GLI2: variants seen among roughly 807,000 people sequenced by gnomAD.
GLI2 encodes the protein transcription activator GLI2.
Under a neutral mutation model 78.9 loss-of-function variants are expected in GLI2, and 22 were observed. The ratio of observed to expected loss-of-function variants is 0.28; its 90% confidence interval spans 0.20 to 0.40. GLI2 has a LOEUF of 0.40. Ranked by LOEUF, GLI2 falls within the 10% of genes least tolerant of loss-of-function variation. The pLI is 1.00. For synonymous variants in GLI2, 974 were observed against 963.7 expected (o/e 1.01, Z -0.20); for missense variants, 2,097 against 2,213.2 (o/e 0.95, Z 1.05).
At chr2:120,817,279 A>C in intron 2 of GLI2, among the ~76,000 whole-genome samples, 1 of 152,142 alleles carries the variant, frequency 6.6e-6, no homozygotes, top group South Asian at 2.1e-4. Context: ...CCTCGGTATG[A>C]AGCCACCCCC....
chr2:120,859,122 A>T (rs1446316024), intron 2 of GLI2, among the ~76,000 whole-genome samples: 2 of 152,192 alleles, frequency 1.3e-5, no homozygotes, highest in African/African-American at 4.8e-5. Context: ...GGGCTTCTGA[A>T]GTTACTTGCT....
intron 3 of GLI2, among the ~76,000 whole-genome samples, chr2:120,944,289 T>G (rs1268657628): frequency 6.6e-6 from 1 of 152,232 alleles, no homozygotes; most frequent in East Asian, 1.9e-4. Context: ...TTTGCTCATC[T>G]GCTAGATGAG....
chr2:120,946,045 C>G (rs1363703645), intron 3 of GLI2, among the ~76,000 whole-genome samples: 1 of 151,662 alleles, frequency 6.6e-6, no homozygotes, highest in Non-Finnish European at 1.5e-5. Flanking sequence ...TGGTAATGCA[C>G]TACCTCGTGA....
chr2:120,829,777 T>C (rs1443313239), intron 2 of GLI2, among the ~76,000 whole-genome samples: 1 of 152,196 alleles, frequency 6.6e-6, no homozygotes, highest in Non-Finnish European at 1.5e-5. Flanking sequence ...GAGATCCTGC[T>C]TCCTGGCCAG....
intron 5 of GLI2, among the ~76,000 whole-genome samples, chr2:120,957,011 G>A (rs750064550): frequency 6.6e-6 from 1 of 152,180 alleles, no homozygotes; most frequent in Non-Finnish European, 1.5e-5. Flanking sequence ...TCCCTCCTCT[G>A]GCTGCTCCTT....
chr2:120,782,944 C>A (rs949500514), intron 1 of GLI2, among the ~76,000 whole-genome samples: 2 of 152,196 alleles, frequency 1.3e-5, no homozygotes, highest in Non-Finnish European at 2.9e-5. Context: ...GGCTCCCCTA[C>A]CTGGTGGGCT....
chr2:120,936,235 G>C (rs550710510), intron 3 of GLI2, among the ~76,000 whole-genome samples: 1 of 152,272 alleles, frequency 6.6e-6, no homozygotes, highest in South Asian at 2.1e-4. Flanking sequence ...GGGACATAGT[G>C]GCTCCCCATG....
At position 120,984,364 on chromosome 2, in the gene GLI2, T is replaced by C. The variant is rs1276177714; in HGVS notation, c.1633-107T>C. The C allele has an allele frequency of 6.0e-6, 7 of 1,174,024 alleles. No individual in the cohort carries two copies. In the African/African-American group the frequency reaches 6.0e-5, roughly 10 times the overall value. The allele number at this position is 1,174,024 out of a possible 1,614,324, so 72.7% of individuals were successfully genotyped here. ...CACAGCACCTACTGACGTTGCCAGC[T>C]GGGCTCTGCTGAGGGGCGTGGGTAG... On this transcript the variant is annotated intron_variant, in intron 11 of 13. Transcript: ENST00000361492.
chr2:120,896,408 C>T (rs943089553), intron 2 of GLI2, among the ~76,000 whole-genome samples: 5 of 152,108 alleles, frequency 3.3e-5, no homozygotes, highest in African/African-American at 7.2e-5. Flanking sequence ...GGGTGGGATC[C>T]GGCATGTCTC....
At chr2:120,744,301 A>G (rs1412939359) in intron 1 of GLI2, among the ~76,000 whole-genome samples, 2 of 152,202 alleles carry the variant, frequency 1.3e-5, no homozygotes, top group East Asian at 3.9e-4. Flanking sequence ...CAGTGACAGT[A>G]TATTTAGGGC....
In GLI2 at chr2:120,924,463, G is replaced by A. The variant is rs181208535; in HGVS notation, c.149-2898G>A. On this transcript the variant is annotated intron_variant, in intron 2 of 13. Transcript: ENST00000361492. ...AGGCCATGAATCATTCTTGGCTTCC[G>A]TTTCCTCATCTCTTTAATGGGCATA... 7.2e-5 allele frequency among the ~76,000 whole-genome samples: 11 copies of A among 151,988 alleles called. No homozygotes were observed. In the East Asian group the frequency reaches 1.2e-3, roughly 16 times the overall value.
At position 120,974,942 on chromosome 2, in the gene GLI2, G is replaced by A. The variant is rs761748900; in HGVS notation, c.1183-33G>A. The A allele has an allele frequency of 1.3e-5, 21 of 1,614,098 alleles. No homozygotes were observed. The African/African-American group carries it at 1.7e-4, about 13-fold the overall frequency. On this transcript the variant is annotated intron_variant, in intron 8 of 13. Coordinates refer to ENST00000361492, the MANE Select transcript of GLI2 (RefSeq NM_001374353.1). Reference sequence around the variant, plus strand: ...TTTTCAGGGCCAGGTGTCTGGACACGGCTCATGTGGGTGTGCCCTTCCCCT... The same window carrying A: ...TTTTCAGGGCCAGGTGTCTGGACACAGCTCATGTGGGTGTGCCCTTCCCCT...
rs767320825 is a variant in GLI2 at position 120,990,384 on chromosome 2, A to C, written c.4419A>C (p.Ser1473=). The C allele has an allele frequency of 9.3e-6, 15 of 1,614,036 alleles. No homozygotes were observed. In the South Asian group the frequency reaches 1.6e-4, roughly 18 times the overall value. Residue 1473 remains serine, a synonymous_variant, in exon 14 of 14, where the codon TCA becomes TCC. Coordinates refer to ENST00000361492, the MANE Select transcript of GLI2 (RefSeq NM_001374353.1). ...QDSIQPQPLP[S]PGVNQVSSTV... is the part of the protein sequence containing the mutation. ...GCATCCAGCCCCAGCCCTTGCCCTC[A>C]CCAGGGGTCAACCAGGTGTCCAGCA... is the stretch of plus-strand genomic sequence containing the variant.
chr2:120,906,140 C>G (rs277527), intron 2 of GLI2, among the ~76,000 whole-genome samples: 149,128 of 152,320 alleles, frequency 0.98, 73,028 homozygotes, highest in East Asian at 1. Context: ...CAGCACGGTG[C>G]GGGGCAGGCA....
intron 2 of GLI2, among the ~76,000 whole-genome samples, chr2:120,918,469 C>T (rs1334658999): frequency 6.7e-6 from 1 of 148,728 alleles, no homozygotes; most frequent in Admixed American, 6.7e-5. Flanking sequence ...GATATGGAGC[C>T]TCTCTCTGTC....
At chr2:120,928,849 C>T (rs181610987) in intron 3 of GLI2, among the ~76,000 whole-genome samples, 82 of 152,368 alleles carry the variant, frequency 5.4e-4, no homozygotes, top group African/African-American at 1.9e-3. Context: ...CTTCACGCAG[C>T]TCCTCAAATG....
rs1013716848 is a variant in GLI2, at chr2:120,852,925, G to A, written c.148+55457G>A. Among the ~76,000 whole-genome samples, 15 of 152,344 alleles carry A rather than the reference G, an allele frequency of 9.8e-5. No homozygotes were observed. The South Asian group carries it at 3.1e-3, about 32-fold the overall frequency. On this transcript the variant is annotated intron_variant, in intron 2 of 13. Transcript: ENST00000361492. ...ACCCACTCTGGGGGAGACAGACGCA[G>A]GAAGGGATAATGAGTAATGAATTCT...
chr2:120,772,620 G>A (rs1444011426), intron 1 of GLI2, among the ~76,000 whole-genome samples: 2 of 152,260 alleles, frequency 1.3e-5, no homozygotes, highest in African/African-American at 4.8e-5. Context: ...CTGCCTGCCT[G>A]ACCCTTGGCC....
chr2:120,850,142 A>G (rs1687327848), intron 2 of GLI2, among the ~76,000 whole-genome samples: 1 of 146,404 alleles, frequency 6.8e-6, no homozygotes, highest in South Asian at 2.1e-4. Flanking sequence ...GAACAATACA[A>G]GAAAATTGCC....
Sources: allele counts gnomAD v4.1 joint callset (sites outside exome capture counted in the v4.1 genomes callset), GRCh38; gene constraint gnomAD v4.1.1; transcripts MANE v1.5; gene names NCBI Gene and HGNC (gene_info 2026-07-23, HGNC 2026-07-21).